The following ZBTB43 variants were observed in gnomAD, a reference collection of about 807,000 sequenced individuals.
ZBTB43 encodes zinc finger and BTB domain-containing protein 43.
ZBTB43 carries 6 observed loss-of-function variants against 31.1 expected under a neutral mutation model. That is an observed-to-expected ratio of 0.19 (90% confidence interval 0.11 to 0.38). ZBTB43 has a LOEUF of 0.38. Among genes scored for constraint, ZBTB43 ranks in the 10% least tolerant of loss-of-function variants. The pLI, the probability that ZBTB43 is intolerant of heterozygous loss-of-function variation, is 1.00. For missense variants in ZBTB43, 379 were observed against 602.1 expected (o/e 0.63, Z 3.88); for synonymous variants, 212 against 221.7 (o/e 0.96, Z 0.39).
chr9:126,807,736 A>G (rs1052808469), intron 1 of ZBTB43, among the ~76,000 whole-genome samples: 4 of 152,062 alleles, frequency 2.6e-5, no homozygotes, highest in Admixed American at 6.6e-5. Flanking sequence ...CCTGGGTTCA[A>G]GCGATTCTCC....
At chr9:126,823,258 T>C (rs1007145702) in intron 2 of ZBTB43, among the ~76,000 whole-genome samples, 3 of 152,230 alleles carry the variant, frequency 2.0e-5, no homozygotes, top group African/African-American at 7.2e-5. Flanking sequence ...TTCAATTTTA[T>C]CCACTTTTAC....
At chr9:126,819,345 A>C (rs891629859) in intron 2 of ZBTB43, among the ~76,000 whole-genome samples, 1 of 144,364 alleles carries the variant, frequency 6.9e-6, no homozygotes, top group Non-Finnish European at 1.5e-5. Context: ...GAAGTCTATC[A>C]GCATCATTTT....
rs191588772 is a variant in ZBTB43, at chr9:126,814,848, T to C, written c.-24+5933T>C. Reference sequence around the variant, plus strand: ...TTTTGCCTTCACTTTGAAGATACTTTCATGGGTATAGAATTCTAAGTTGAC... The same window carrying C: ...TTTTGCCTTCACTTTGAAGATACTTCCATGGGTATAGAATTCTAAGTTGAC... On this transcript the variant is annotated intron_variant, in intron 2 of 2. Coordinates refer to ENST00000373464, the MANE Select transcript of ZBTB43 (RefSeq NM_014007.4). 2.6e-5 allele frequency among the ~76,000 whole-genome samples: 4 copies of C among 152,214 alleles called. No individual in the cohort carries two copies. The East Asian group carries it at 7.7e-4, about 29-fold the overall frequency.
Position 126,832,527 on chromosome 9 carries a change from C to T in ZBTB43, c.18C>T (p.Asn6=). 6.2e-7 allele frequency: 1 copy of T among 1,606,454 alleles called. No individual in the cohort carries two copies. The highest frequency in any genetic ancestry group is 8.5e-7 in the Non-Finnish European group (1 of 1,173,572). Residue 6 remains asparagine (N), a synonymous_variant, in exon 3 of 3, where the codon AAC becomes AAT. Coordinates refer to ENST00000373464, the MANE Select transcript of ZBTB43 (RefSeq NM_014007.4). MEPGT[N]SFRVEFPDFS... is the part of the protein sequence containing the mutation. The stretch of plus-strand genomic sequence containing the variant: ...GTGATGAAATGGAGCCTGGAACAAA[C>T]TCTTTTCGGGTAGAATTTCCTGATT...
At chr9:126,806,161 T>C (rs2119099993) in intron 1 of ZBTB43, among the ~76,000 whole-genome samples, 1 of 152,310 alleles carries the variant, frequency 6.6e-6, no homozygotes, top group African/African-American at 2.4e-5. Context: ...TCCAGGGATC[T>C]CTGGAGCCTG....
At position 126,832,882 on chromosome 9, in the gene ZBTB43, G is replaced by A; in HGVS notation, c.373G>A (p.Gly125Arg). Residue 125 changes from glycine (G) to arginine (R), a missense_variant, in exon 3 of 3, where the codon GGA becomes AGA. Gly to Arg is a moderately radical substitution (Grantham distance 125). Around this residue, in one of 5 missense-constraint regions of ZBTB43, gnomAD observed 253 missense variants for 322.3 expected, o/e 0.79. Coordinates refer to ENST00000373464, the MANE Select transcript of ZBTB43 (RefSeq NM_014007.4). The stretch of plus-strand genomic sequence containing the variant: ...AGACAAATGCACTGAAGTTTTAGAG[G>A]GAAACCCTACAGTCCTTTGTCAGAA... ...VVDKCTEVLE[G>R]NPTVLCQKLN... 6.2e-7 allele frequency: 1 copy of A among 1,613,994 alleles called. No homozygotes were observed. Among genetic ancestry groups the A allele is most frequent in the Non-Finnish European group, 8.5e-7 (1 of 1,180,026 alleles).
In ZBTB43 at chr9:126,833,996, A is replaced by G; in HGVS notation, c.*83A>G. On this transcript the variant is annotated 3_prime_UTR_variant, in exon 3 of 3. Coordinates refer to ENST00000373464, the MANE Select transcript of ZBTB43 (RefSeq NM_014007.4). This position sits in a 1 kb window ranked among gnomAD's most constrained non-coding sequence, Gnocchi z 7.9. ...AATCTGGGCACAGATGATGCGTGCTACTTGCTATTATGAGAGAAGCTTAAA... is the reference window on the plus strand; with the variant it reads ...AATCTGGGCACAGATGATGCGTGCTGCTTGCTATTATGAGAGAAGCTTAAA... 2.2e-6 allele frequency: 3 copies of G among 1,352,468 alleles called. No homozygotes were observed. The highest frequency in any genetic ancestry group is 3.0e-6 in the Non-Finnish European group (3 of 1,004,394). 83.8% of individuals were successfully genotyped at this position (1,352,468 alleles called of 1,614,324 possible). A position where few individuals can be genotyped will look rare whatever the true frequency, so the allele number is the denominator to read the frequency against.
chr9:126,820,807 A>C (rs1192714688), intron 2 of ZBTB43, among the ~76,000 whole-genome samples: 1 of 151,818 alleles, frequency 6.6e-6, no homozygotes, highest in Non-Finnish European at 1.5e-5. Flanking sequence ...TCTATACTGA[A>C]AATGCAAAAA....
At chr9:126,832,040 G>A (rs1274561058) in intron 2 of ZBTB43, 1 of 156,876 alleles carries the variant, frequency 6.4e-6, no homozygotes, top group Non-Finnish European at 1.4e-5. Flanking sequence ...CAGGATGATA[G>A]CTTGATTACC....
At chr9:126,809,281 A>T (rs1032057091) in intron 2 of ZBTB43, among the ~76,000 whole-genome samples, 1 of 152,240 alleles carries the variant, frequency 6.6e-6, no homozygotes, top group Non-Finnish European at 1.5e-5. Context: ...GGATGCAATG[A>T]TACGGGAGTG....
At chr9:126,826,454 C>CTTGT in intron 2 of ZBTB43, among the ~76,000 whole-genome samples, 1 of 53,598 alleles carries the variant, frequency 1.9e-5, no homozygotes, top group Admixed American at 3.3e-4. Flanking sequence ...GCCCCCCCGC[C>CTTGT]TTTTTTTTTT....
At chr9:126,830,356 A>G (rs2119164253) in intron 2 of ZBTB43, among the ~76,000 whole-genome samples, 1 of 152,290 alleles carries the variant, frequency 6.6e-6, no homozygotes, top group South Asian at 2.1e-4. Context: ...CATACTTAGA[A>G]AACTTGGGGC....
At chr9:126,828,641 TAA>T (rs2032698471) in intron 2 of ZBTB43, among the ~76,000 whole-genome samples, 1 of 138,972 alleles carries the variant, frequency 7.2e-6, no homozygotes, top group Non-Finnish European at 1.5e-5. Flanking sequence ...ATAATAATAA[TAA>T]TAATAATAAT....
At chr9:126,827,444 G>A (rs2119156759) in intron 2 of ZBTB43, among the ~76,000 whole-genome samples, 1 of 152,342 alleles carries the variant, frequency 6.6e-6, no homozygotes, top group Admixed American at 6.5e-5. Context: ...TGCAGGCTGT[G>A]TGTGGCAGGG....
At chr9:126,824,439 A>G (rs895493133) in intron 2 of ZBTB43, among the ~76,000 whole-genome samples, 23 of 152,264 alleles carry the variant, frequency 1.5e-4, no homozygotes, top group Middle Eastern at 3.4e-3. Context: ...CCCCTTTAGC[A>G]TTTCTTGTAG....
Position 126,835,826 on chromosome 9 carries a change from TTTCTC to T in ZBTB43, c.*1915_*1919del, listed in dbSNP as rs1164812930. On this transcript the variant is annotated 3_prime_UTR_variant, in exon 3 of 3. Transcript: ENST00000373464. ...TTGAAACGTTACTGGTTAGCAGTCT[TTTCTC>T]TGTGTACCTGACACACGTATACTGA... is the stretch of plus-strand genomic sequence containing the variant. The T allele has an allele frequency of 6.0e-6, 1 of 166,964 alleles. No homozygotes were observed. The highest frequency in any genetic ancestry group is 1.5e-5 in the Non-Finnish European group (1 of 68,120). 10.3% of individuals were successfully genotyped at this position (166,964 alleles called of 1,614,324 possible).
upstream of ZBTB43, among the ~76,000 whole-genome samples, chr9:126,804,315 T>C (rs1442845587): frequency 6.6e-6 from 1 of 152,152 alleles, no homozygotes; most frequent in African/African-American, 2.4e-5. Context: ...AAGGCACTGG[T>C]CCTTTCATTG....
rs1386081181 is a variant in ZBTB43 at position 126,835,913 on chromosome 9, G to T, written c.*2000G>T. The T allele has an allele frequency of 6.0e-6, 1 of 167,020 alleles. No homozygotes were observed. The highest frequency in any genetic ancestry group is 2.4e-5 in the African/African-American group (1 of 41,434). 10.3% of individuals were successfully genotyped at this position (167,020 alleles called of 1,614,324 possible). On this transcript the variant is annotated 3_prime_UTR_variant, in exon 3 of 3. Transcript: ENST00000373464. ...TTTCTTTCACTCATGGTAGAGGCCA[G>T]TGGGTTTTAGGTATGATCCTAGCCA...
In ZBTB43 at chr9:126,834,514, A is replaced by T. The variant is rs1178272276; in HGVS notation, c.*601A>T. The T allele has an allele frequency of 6.0e-6, 1 of 167,042 alleles. No homozygotes were observed. The highest frequency in any genetic ancestry group is 1.5e-5 in the Non-Finnish European group (1 of 68,136). 10.3% of individuals were successfully genotyped at this position (167,042 alleles called of 1,614,324 possible). On this transcript the variant is annotated 3_prime_UTR_variant, in exon 3 of 3. Coordinates refer to ENST00000373464, the MANE Select transcript of ZBTB43 (RefSeq NM_014007.4). ...TGACTTTCTAAATATGAAACAGATA[A>T]TTTACGGTACAAGGCTGACATAGTG...
Sources: allele counts gnomAD v4.1 joint callset (sites outside exome capture counted in the v4.1 genomes callset), GRCh38; gene constraint gnomAD v4.1.1; regional missense constraint gnomAD v4.1.1; non-coding constraint Gnocchi (gnomAD v3.1); transcripts MANE v1.5; gene names NCBI Gene and HGNC (gene_info 2026-07-23, HGNC 2026-07-21).